NTN4: variants seen among roughly 807,000 people sequenced by gnomAD.
The protein encoded by NTN4 is netrin-4.
Under a neutral mutation model 73.6 loss-of-function variants are expected in NTN4, and 32 were observed. That is an observed-to-expected ratio of 0.44 (90% confidence interval 0.33 to 0.58). The LOEUF (loss-of-function observed/expected upper bound fraction) is 0.58, where lower values mean the gene tolerates loss of function less well. NTN4 is among the 20% of genes least tolerant of loss of function. NTN4 has a pLI of 0.04. For synonymous variants in NTN4, 258 were observed against 287.5 expected (o/e 0.90, Z 1.04); for missense variants, 654 against 798.3 (o/e 0.82, Z 2.18).
intron 3 of NTN4, among the ~76,000 whole-genome samples, chr12:95,728,724 T>C (rs2078713181): frequency 6.6e-6 from 1 of 152,200 alleles, no homozygotes; most frequent in African/African-American, 2.4e-5. Flanking sequence ...AGTGTTGCCC[T>C]GATATGGTTT....
chr12:95,760,244 G>A (rs763873544), intron 2 of NTN4, among the ~76,000 whole-genome samples: 29 of 152,250 alleles, frequency 1.9e-4, no homozygotes, highest in South Asian at 4.2e-4. Context: ...TGTGAATTAT[G>A]AGGTCTTTCC....
chr12:95,686,894 A>G (rs1027551626), intron 5 of NTN4, among the ~76,000 whole-genome samples: 3 of 152,256 alleles, frequency 2.0e-5, no homozygotes, highest in African/African-American at 7.2e-5. Flanking sequence ...AGAAACACAC[A>G]CTATACAGTT....
Position 95,670,045 on chromosome 12 carries a change from G to A in NTN4, c.1579+33C>T, listed in dbSNP as rs192497362. ...AATTCTCTGAACTTAGTGTGAATAG[G>A]TTCTCAGAAGCATTCAAGGATTTCA... On this transcript the variant is annotated intron_variant, in intron 8 of 9. Transcript: ENST00000343702. The A allele has an allele frequency of 1.1e-5, 15 of 1,360,716 alleles. No homozygotes were observed. In the African/African-American group the frequency reaches 1.9e-4, roughly 17 times the overall value. 84.3% of individuals were successfully genotyped at this position (1,360,716 alleles called of 1,614,324 possible). A position where few individuals can be genotyped will look rare whatever the true frequency, so the allele number is the denominator to read the frequency against.
intron 3 of NTN4, among the ~76,000 whole-genome samples, chr12:95,734,734 A>G (rs991823065): frequency 6.6e-6 from 1 of 152,188 alleles, no homozygotes; most frequent in Non-Finnish European, 1.5e-5. Flanking sequence ...TGAAGCAATC[A>G]TAGGAATTAA....
chr12:95,746,790 G>C (rs2078866139), intron 2 of NTN4, among the ~76,000 whole-genome samples: 1 of 152,146 alleles, frequency 6.6e-6, no homozygotes, highest in Non-Finnish European at 1.5e-5. Flanking sequence ...CTGCAGACTG[G>C]ACACCCTCTC....
At chr12:95,760,258 C>A (rs780518395) in intron 2 of NTN4, among the ~76,000 whole-genome samples, 2 of 152,106 alleles carry the variant, frequency 1.3e-5, no homozygotes, top group Non-Finnish European at 2.9e-5. Flanking sequence ...TCTTTCCGGT[C>A]CAGACAGTGA....
At chr12:95,737,347 A>G (rs957078440) in intron 3 of NTN4, among the ~76,000 whole-genome samples, 1 of 152,204 alleles carries the variant, frequency 6.6e-6, no homozygotes, top group Non-Finnish European at 1.5e-5. Context: ...TTCAGAGGAA[A>G]GCCCAGGAGA....
chr12:95,755,329 G>C (rs891879950), intron 2 of NTN4, among the ~76,000 whole-genome samples: 11 of 152,190 alleles, frequency 7.2e-5, no homozygotes, highest in South Asian at 2.1e-4. Context: ...CCATGGATAG[G>C]TGGCCACTTG....
intron 9 of NTN4, among the ~76,000 whole-genome samples, chr12:95,660,660 G>A (rs1343507627): frequency 3.3e-5 from 5 of 151,992 alleles, no homozygotes; most frequent in East Asian, 1.9e-4. Context: ...ATTTAGGAAC[G>A]ATTTTTAAAA....
At chr12:95,754,400 C>T (rs1199904501) in intron 2 of NTN4, among the ~76,000 whole-genome samples, 1 of 152,130 alleles carries the variant, frequency 6.6e-6, no homozygotes, top group Non-Finnish European at 1.5e-5. Flanking sequence ...ATTTTCGCCG[C>T]CCCAATACTT....
At chr12:95,739,045 T>C (rs954538570) in intron 2 of NTN4, among the ~76,000 whole-genome samples, 5 of 152,220 alleles carry the variant, frequency 3.3e-5, no homozygotes, top group Non-Finnish European at 7.3e-5. Flanking sequence ...ATTATATTTG[T>C]AGTGGTTTAG....
intron 8 of NTN4, among the ~76,000 whole-genome samples, chr12:95,669,650 G>C (rs2078211877): frequency 6.6e-6 from 1 of 152,188 alleles, no homozygotes; most frequent in Admixed American, 6.5e-5. Flanking sequence ...TCCAAAGCCT[G>C]TGCTCTCAAC....
intron 8 of NTN4, among the ~76,000 whole-genome samples, chr12:95,669,821 C>T (rs1161537074): frequency 6.6e-6 from 1 of 152,222 alleles, no homozygotes; most frequent in Admixed American, 6.5e-5. Flanking sequence ...TCTCTGCTCT[C>T]TGCCTCTTTT....
intron 5 of NTN4, among the ~76,000 whole-genome samples, chr12:95,706,489 A>G (rs2078522943): frequency 6.6e-6 from 1 of 152,248 alleles, no homozygotes. Context: ...GTAAAATGCA[A>G]TGAATAATAT....
chr12:95,717,554 T>C (rs952202913), intron 3 of NTN4, among the ~76,000 whole-genome samples: 2 of 151,972 alleles, frequency 1.3e-5, no homozygotes, highest in Non-Finnish European at 2.9e-5. Context: ...CCTAGACAAT[T>C]TGAAACAAGA....
At chr12:95,704,258 T>C (rs1424799040) in intron 5 of NTN4, among the ~76,000 whole-genome samples, 1 of 152,200 alleles carries the variant, frequency 6.6e-6, no homozygotes, top group Admixed American at 6.5e-5. Context: ...TATAATAAAA[T>C]TGTTATTTTG....
chr12:95,752,318 A>G lies in NTN4; in HGVS notation c.586-14174T>C, dbSNP rs576715718. Among the ~76,000 whole-genome samples, 13 of 150,664 alleles carry G rather than the reference A, an allele frequency of 8.6e-5. No individual in the cohort carries two copies. The East Asian group carries it at 2.4e-3, about 27-fold the overall frequency. On this transcript the variant is annotated intron_variant, in intron 2 of 9. Transcript: ENST00000343702. ...TTCAGGATCTGCGCCTTATCAACCA[A>G]ATTGTTTTGCCTATCCACCCCGTGG...
chr12:95,771,042 T>A (rs902344861), intron 2 of NTN4, among the ~76,000 whole-genome samples: 1 of 146,178 alleles, frequency 6.8e-6, no homozygotes, highest in Non-Finnish European at 1.5e-5. Context: ...CAGGCTGGAG[T>A]GCAGTGGCGC....
At chr12:95,686,618 C>T (rs529703427) in intron 5 of NTN4, among the ~76,000 whole-genome samples, 7 of 151,976 alleles carry the variant, frequency 4.6e-5, no homozygotes, top group South Asian at 2.1e-4. Context: ...ATTAGCCGGG[C>T]GTGATGGTGC....
Sources: gnomAD v4.1 joint callset for allele counts (sites outside exome capture counted in the v4.1 genomes callset) on GRCh38, gnomAD v4.1.1 for gene constraint, MANE v1.5 for transcripts, NCBI Gene and HGNC (gene_info 2026-07-23, HGNC 2026-07-21) for gene names.